CCDC80: variants seen among roughly 807,000 people sequenced by gnomAD.
CCDC80 encodes coiled-coil domain containing 80, also known as coiled-coil domain-containing protein 80.
A neutral mutation model predicts 78.7 loss-of-function variants in CCDC80; 49 were observed. That is an observed-to-expected ratio of 0.62 (90% CI 0.50 to 0.79). CCDC80 has a LOEUF of 0.79. Among genes scored for constraint, CCDC80 ranks in the 30% least tolerant of loss-of-function variants. CCDC80 has a pLI of 0.00. For synonymous variants in CCDC80, 488 were observed against 447.0 expected, an observed-to-expected ratio of 1.09 and a Z score of -1.16; for missense variants, 1,205 against 1,198.6, an observed-to-expected ratio of 1.01 and a Z score of -0.08.
intron 7 of CCDC80, 80 bp downstream of exon 7, chr3:112,607,096 C>T: frequency 9.7e-7 from 1 of 1,030,978 alleles, no homozygotes; most frequent in Non-Finnish European, 1.5e-6. Flanking sequence ...TAGAGATACA[C>T]CCACTGCTTG....
chr3:112,611,584 T>C (rs1393016122), intron 5 of CCDC80, among the ~76,000 whole-genome samples: 1 of 152,208 alleles, frequency 6.6e-6, no homozygotes, highest in Non-Finnish European at 1.5e-5. Context: ...TAAGAGGCAT[T>C]ACCAAAATAC....
chr3:112,616,690 C>T lies in CCDC80; in HGVS notation c.2321+20G>A, dbSNP rs770902598. On this transcript the variant is annotated intron_variant, in intron 5 of 7. Transcript: ENST00000206423. ...AACAAATTTGCACCTTCCTCTTTAGCGACTCCAAAGGTGATGTACCTGGAT... is the reference window on the plus strand; with the variant it reads ...AACAAATTTGCACCTTCCTCTTTAGTGACTCCAAAGGTGATGTACCTGGAT... The T allele has an allele frequency of 1.2e-4, 197 of 1,613,160 alleles. No homozygotes were observed. The highest frequency in any genetic ancestry group is 1.5e-4 in the Non-Finnish European group (182 of 1,179,598).
chr3:112,616,449 G>GAAAAAAAAAAAAAAACAAA (rs59366104), intron 5 of CCDC80, among the ~76,000 whole-genome samples: 1 of 133,652 alleles, frequency 7.5e-6, no homozygotes, highest in African/African-American at 2.7e-5. Context: ...AAAAAGAAAA[G>GAAAAAAAAAAAAAAACAAA]AAAAAAAAAA....
chr3:112,631,850 C>T lies in CCDC80; in HGVS notation c.1879-1581G>A, dbSNP rs572370702. Among the ~76,000 whole-genome samples, 101 of 152,092 alleles carry T rather than the reference C, an allele frequency of 6.6e-4. 1 individual carries two copies. The highest frequency in any genetic ancestry group is 9.3e-4 in the Non-Finnish European group (63 of 68,004). On this transcript the variant is annotated intron_variant, in intron 2 of 7. Coordinates refer to ENST00000206423, the MANE Select transcript of CCDC80 (RefSeq NM_199511.3). ...CGTGTTCAATAGCCTTTGAATGGAA[C>T]GTTAACAAAGGTTTTCTGGGATGAA...
intron 5 of CCDC80, among the ~76,000 whole-genome samples, chr3:112,613,754 A>G (rs1935679230): frequency 6.6e-6 from 1 of 152,152 alleles, no homozygotes; most frequent in Non-Finnish European, 1.5e-5. Flanking sequence ...AGGGTGGGCA[A>G]CCTGAGTTTA....
rs768074538 is a variant in CCDC80, at chr3:112,599,566, T to G, written c.*5851A>C. 1 of 152,228 alleles carries G rather than the reference T, an allele frequency of 6.6e-6. No homozygotes were observed. The highest frequency in any genetic ancestry group is 2.4e-5 in the African/African-American group (1 of 41,404). The allele number at this position is 152,228 out of a possible 1,614,324, so 9.4% of individuals were successfully genotyped here. A position where few individuals can be genotyped will look rare whatever the true frequency, so the allele number is the denominator to read the frequency against. ...AACGAACAGAGAAACGAACAGAGGT[T>G]TTTTCCAAGGGCCTTCTATTTTTCT... is the stretch of plus-strand genomic sequence containing the variant. On this transcript the variant is annotated 3_prime_UTR_variant, in exon 8 of 8. Coordinates refer to ENST00000206423, the MANE Select transcript of CCDC80 (RefSeq NM_199511.3).
chr3:112,620,403 T>C (rs1408980361), intron 3 of CCDC80, among the ~76,000 whole-genome samples: 8 of 152,212 alleles, frequency 5.3e-5, no homozygotes, highest in Non-Finnish European at 7.3e-5. Context: ...TAAAAAGTGA[T>C]AGGCCTCATG....
intron 5 of CCDC80, chr3:112,610,354 T>C (rs1370904964): frequency 2.0e-5 from 9 of 446,480 alleles, no homozygotes; most frequent in African/African-American, 6.0e-5. Flanking sequence ...ATGAGGTCAC[T>C]TGGGGAGAGA....
chr3:112,631,834 T>C (rs1936105473), intron 2 of CCDC80, among the ~76,000 whole-genome samples: 1 of 152,222 alleles, frequency 6.6e-6, no homozygotes, highest in Non-Finnish European at 1.5e-5. Flanking sequence ...ACGTGTTCAA[T>C]AGCCTTTGAA....
chr3:112,626,694 T>A (rs576592668), intron 3 of CCDC80, among the ~76,000 whole-genome samples: 2 of 152,172 alleles, frequency 1.3e-5, no homozygotes, highest in African/African-American at 2.4e-5. Context: ...ATTACAGGCA[T>A]CTGCCACCAT....
At position 112,638,728 on chromosome 3, in the gene CCDC80, G is replaced by A; in HGVS notation, c.1178C>T (p.Ser393Phe). The change falls in exon 2 of 8, where the codon TCC becomes TTC. Residue 393 changes from serine (S) to phenylalanine (F), a missense_variant. Ser to Phe is a radical substitution (Grantham distance 155). Transcript: ENST00000206423. ...CTCAGTGGTTGTAGGGGGCCTGTGG[G>A]AGGGTGAGGGGGTCCAGGGCCTCTG... ...TTQRPWTPSP[S>F]HRPPTTTEVI... The A allele has an allele frequency of 6.2e-7, 1 of 1,614,038 alleles. No homozygotes were observed. The highest frequency in any genetic ancestry group is 1.6e-4 in the Middle Eastern group (1 of 6,062).
rs1410774858 is a variant in CCDC80 at position 112,604,075 on chromosome 3, TATGA to T, written c.*1338_*1341del. 1 of 152,260 alleles carries T rather than the reference TATGA, an allele frequency of 6.6e-6. No homozygotes were observed. The highest frequency in any genetic ancestry group is 1.5e-5 in the Non-Finnish European group (1 of 68,038). The allele number at this position is 152,260 out of a possible 1,614,324, so 9.4% of individuals were successfully genotyped here. On this transcript the variant is annotated 3_prime_UTR_variant, in exon 8 of 8. Transcript: ENST00000206423. ...GTTTAATAGATGAAGACTTGCTTCT[TATGA>T]ATGAACGAAGAAAGTGATTTCTTGA...
chr3:112,627,177 T>C (rs75848415), intron 3 of CCDC80, among the ~76,000 whole-genome samples: 237 of 152,326 alleles, frequency 1.6e-3, no homozygotes, highest in Non-Finnish European at 2.0e-3. Context: ...AGCCAGCAAC[T>C]TTTTCCTATC....
chr3:112,638,378 A>C lies in CCDC80; in HGVS notation c.1528T>G (p.Tyr510Asp), dbSNP rs1417892893. ...GAGGCAGTAGGCCGGCTGAGGTCAT[A>C]CTTCTCCTCATACTCATTACTAAGA... ...KILSNEYEEK[Y>D]DLSRPTASQL... The change falls in exon 2 of 8, where the codon TAT (tyrosine) becomes GAT (aspartate). Residue 510 changes from tyrosine to aspartate, a missense_variant. Physicochemically the swap from Tyr to Asp is radical, Grantham distance 160 (BLOSUM62 -3). Transcript: ENST00000206423. 1 of 1,613,212 alleles carries C rather than the reference A, an allele frequency of 6.2e-7. No homozygotes were observed.
At position 112,639,000 on chromosome 3, in the gene CCDC80, T is replaced by A; in HGVS notation, c.906A>T (p.Gly302=). 6.2e-7 allele frequency: 1 copy of A among 1,611,318 alleles called. No homozygotes were observed. The change falls in exon 2 of 8, where the codon GGA becomes GGT. Residue 302 remains glycine (G), a synonymous_variant. Transcript: ENST00000206423. ...TCTTCTCGCTGCCCAGGCTTGGCCT[T>A]CCTGCTCCCCCTCCACCGTCATTCC... ...AEGNDGGGGA[G]RPSLGSEKKK... is the part of the protein sequence containing the mutation.
chr3:112,606,080 A>G (rs1935481893), intron 7 of CCDC80, among the ~76,000 whole-genome samples: 1 of 152,260 alleles, frequency 6.6e-6, no homozygotes, highest in Admixed American at 6.5e-5. Flanking sequence ...AACAAGGATT[A>G]TATAGTTTAT....
chr3:112,602,232 G>C lies in CCDC80; in HGVS notation c.*3185C>G, dbSNP rs1935386525. 6.6e-6 allele frequency: 1 copy of C among 151,838 alleles called. No individual in the cohort carries two copies. The highest frequency in any genetic ancestry group is 1.5e-5 in the Non-Finnish European group (1 of 67,776). The allele number at this position is 151,838 out of a possible 1,614,324, so 9.4% of individuals were successfully genotyped here. A position where few individuals can be genotyped will look rare whatever the true frequency, so the allele number is the denominator to read the frequency against. Reference sequence around the variant, plus strand: ...ATATAACACAGTAAACTTAATAAATGTGTGTATGTTCTGATTGCTCCAACA... The same window carrying C: ...ATATAACACAGTAAACTTAATAAATCTGTGTATGTTCTGATTGCTCCAACA... On this transcript the variant is annotated 3_prime_UTR_variant, in exon 8 of 8. Transcript: ENST00000206423.
chr3:112,609,215 T>C (rs564804031), intron 6 of CCDC80, among the ~76,000 whole-genome samples: 35 of 152,346 alleles, frequency 2.3e-4, no homozygotes, highest in African/African-American at 8.4e-4. Context: ...TCATTGAACT[T>C]AGTAGTAAGT....
chr3:112,627,079 T>G (rs1428451998), intron 3 of CCDC80, among the ~76,000 whole-genome samples: 3 of 152,182 alleles, frequency 2.0e-5, no homozygotes. Context: ...GTTAAAATAT[T>G]TTTCATCTCT....
Sources: gnomAD v4.1 joint callset for allele counts (sites outside exome capture counted in the v4.1 genomes callset) on GRCh38, gnomAD v4.1.1 for gene constraint, MANE v1.5 for transcripts, NCBI Gene and HGNC (gene_info 2026-07-23, HGNC 2026-07-21) for gene names.